GSTCD: variants seen among roughly 807,000 people sequenced by gnomAD.
The protein encoded by GSTCD is glutathione S-transferase C-terminal domain containing, also known as glutathione S-transferase C-terminal domain-containing protein.
GSTCD carries 44 observed loss-of-function variants against 68.3 expected under a neutral mutation model. The observed-to-expected ratio is 0.64, with a 90% CI of 0.51 to 0.83. The LOEUF is 0.83. Among genes scored for constraint, GSTCD ranks in the 40% least tolerant of loss-of-function variants. The pLI, the probability that GSTCD is intolerant of heterozygous loss-of-function variation, is 0.00. For synonymous variants in GSTCD, 273 were observed against 255.2 expected (o/e 1.07, Z -0.67); for missense variants, 739 against 735.9 (o/e 1.00, Z -0.05).
chr4:105,771,129 T>C (rs957022639), intron 5 of GSTCD, among the ~76,000 whole-genome samples: 1 of 152,188 alleles, frequency 6.6e-6, no homozygotes, highest in Non-Finnish European at 1.5e-5. Flanking sequence ...ACAGTGATGA[T>C]GAGTTTTTTT....
At chr4:105,781,055 A>T (rs944822852) in intron 5 of GSTCD, among the ~76,000 whole-genome samples, 2 of 152,192 alleles carry the variant, frequency 1.3e-5, no homozygotes, top group Admixed American at 6.5e-5. Flanking sequence ...GAGAATCATA[A>T]TATTTACCTC....
chr4:105,725,692 G>A lies in GSTCD; in HGVS notation c.895-887G>A, dbSNP rs1437667126. 4.0e-5 allele frequency among the ~76,000 whole-genome samples: 6 copies of A among 151,846 alleles called. No individual in the cohort carries two copies. The East Asian group carries it at 1.2e-3, about 29-fold the overall frequency. ...TTGTTCATTTTCTCGTTGCTGAGTT[G>A]CTCCAATTTTTATGCTATGAAATGA... On this transcript the variant is annotated intron_variant, in intron 3 of 11. Transcript: ENST00000515279.
intron 5 of GSTCD, among the ~76,000 whole-genome samples, chr4:105,737,614 T>A (rs1279684614): frequency 1.3e-5 from 2 of 152,222 alleles, no homozygotes; most frequent in Non-Finnish European, 2.9e-5. Context: ...TAGTTTTGGG[T>A]CTTACATTTA....
At chr4:105,791,869 A>G (rs1373254687) in intron 5 of GSTCD, among the ~76,000 whole-genome samples, 1 of 152,158 alleles carries the variant, frequency 6.6e-6, no homozygotes, top group Non-Finnish European at 1.5e-5. Flanking sequence ...TCGTAGCACT[A>G]CTAGACCAAA....
chr4:105,720,766 C>T (rs4699197), intron 3 of GSTCD, among the ~76,000 whole-genome samples: 19,199 of 152,046 alleles, frequency 0.13, 1,709 homozygotes, highest in African/African-American at 0.25. Flanking sequence ...TACCAAGTTC[C>T]GTCATTAGAG....
chr4:105,845,773 T>G lies in GSTCD; in HGVS notation c.*196T>G. 2 of 564,256 alleles carry G rather than the reference T, an allele frequency of 3.5e-6. No individual in the cohort carries two copies. Among genetic ancestry groups the G allele is most frequent in the Non-Finnish European group, 3.1e-6 (1 of 318,678 alleles). The allele number at this position is 564,256 out of a possible 1,614,324, so 35.0% of individuals were successfully genotyped here. A position where few individuals can be genotyped will look rare whatever the true frequency, so the allele number is the denominator to read the frequency against. Reference sequence around the variant, plus strand: ...TCACAAATGCTTTACAATGTGTGATTAAAGGACTGCTGGTTTTTATAGTGA... The same window carrying G: ...TCACAAATGCTTTACAATGTGTGATGAAAGGACTGCTGGTTTTTATAGTGA... On this transcript the variant is annotated 3_prime_UTR_variant, in exon 12 of 12. Transcript: ENST00000515279.
intron 5 of GSTCD, among the ~76,000 whole-genome samples, chr4:105,780,601 A>G (rs1028850170): frequency 2.0e-5 from 3 of 152,208 alleles, no homozygotes; most frequent in Non-Finnish European, 4.4e-5. Context: ...TAAAGGGGAA[A>G]ATGTTGTGCT....
chr4:105,824,121 G>C (rs1723464078), intron 7 of GSTCD, among the ~76,000 whole-genome samples: 1 of 151,988 alleles, frequency 6.6e-6, no homozygotes, highest in Non-Finnish European at 1.5e-5. Flanking sequence ...ACTAGTTATA[G>C]TGAATACTTG....
intron 7 of GSTCD, among the ~76,000 whole-genome samples, chr4:105,824,060 C>G (rs889440028): frequency 2.0e-5 from 3 of 151,928 alleles, no homozygotes; most frequent in Non-Finnish European, 4.4e-5. Flanking sequence ...GTTTTTAATA[C>G]AAACTCAACT....
chr4:105,794,463 G>C (rs1006533982), intron 5 of GSTCD, among the ~76,000 whole-genome samples: 1 of 151,972 alleles, frequency 6.6e-6, no homozygotes, highest in Non-Finnish European at 1.5e-5. Context: ...GTACCACTGT[G>C]GTTCATGATG....
intron 5 of GSTCD, among the ~76,000 whole-genome samples, chr4:105,793,528 A>G (rs193137173): frequency 1.3e-5 from 2 of 151,944 alleles, no homozygotes; most frequent in Admixed American, 6.5e-5. Context: ...AAAAATGCCT[A>G]TTTTGGTGTT....
chr4:105,759,947 T>A (rs1734338203), intron 5 of GSTCD, among the ~76,000 whole-genome samples: 1 of 152,158 alleles, frequency 6.6e-6, no homozygotes, highest in Non-Finnish European at 1.5e-5. Flanking sequence ...CTTATATAAT[T>A]GTGACCTAAA....
chr4:105,794,426 A>G lies in GSTCD; in HGVS notation c.1241-28528A>G, dbSNP rs536137091. 4.6e-5 allele frequency among the ~76,000 whole-genome samples: 7 copies of G among 152,182 alleles called. No individual in the cohort carries two copies. The South Asian group carries it at 1.2e-3, about 27-fold the overall frequency. On this transcript the variant is annotated intron_variant, in intron 5 of 11. Transcript: ENST00000515279. ...TCTGGACTTTGAGTTATGATGTGTC[A>G]ATGTAGGTTCATCACTATTAACAAA...
chr4:105,730,660 A>G (rs1158648475), intron 5 of GSTCD, among the ~76,000 whole-genome samples: 1 of 152,160 alleles, frequency 6.6e-6, no homozygotes, highest in Non-Finnish European at 1.5e-5. Context: ...TCAGATGAGT[A>G]GATGGCAAAA....
At chr4:105,755,056 CAAAAAAAAAAAAAAAAAAAAAAAAAAAAA>C (rs70941214) in intron 5 of GSTCD, among the ~76,000 whole-genome samples, 14 of 50,986 alleles carry the variant, frequency 2.7e-4, no homozygotes, top group Admixed American at 8.4e-4. Context: ...CTCATTTCTC[CAAAAAAAAAAAAAAAAAAAAAAAAAAAAA>C]AAAAAAAAAA....
intron 8 of GSTCD, among the ~76,000 whole-genome samples, chr4:105,833,240 G>A (rs565764760): frequency 6.6e-6 from 1 of 152,220 alleles, no homozygotes; most frequent in Admixed American, 6.5e-5. Context: ...CGAGGTGGGC[G>A]GATCACCTGC....
chr4:105,842,091 A>C lies in GSTCD; in HGVS notation c.1722A>C (p.Ala574=), dbSNP rs1394735828. 2 of 1,613,926 alleles carry C rather than the reference A, an allele frequency of 1.2e-6. No homozygotes were observed. The highest frequency in any genetic ancestry group is 1.7e-6 in the Non-Finnish European group (2 of 1,179,898). ...AACACATGATTCTGTGCAGATTTGC[A>C]GACCAGACAGCTGTCCAGCTCCCAC... ...YKEHMILCRF[A]DQTAVQLPPQ... Residue 574 remains alanine (A), a synonymous_variant, in exon 11 of 12, where the codon GCA becomes GCC. Coordinates refer to ENST00000515279, the MANE Select transcript of GSTCD (RefSeq NM_001370181.1).
At chr4:105,724,814 ATTCT>A (rs1203552624) in intron 3 of GSTCD, among the ~76,000 whole-genome samples, 31 of 151,996 alleles carry the variant, frequency 2.0e-4, no homozygotes, top group Admixed American at 1.9e-3. Context: ...ACTTATTTTA[ATTCT>A]TTCCCCATTA....
Position 105,729,491 on chromosome 4 carries a change from C to T in GSTCD, c.1232C>T (p.Pro411Leu). The T allele has an allele frequency of 6.2e-7, 1 of 1,608,750 alleles. No homozygotes were observed. ...DWNVLPAAVS[P>L]KEGKMSSDRA... is the part of the protein sequence containing the mutation. ...AATGTTCTCCCTGCAGCAGTCAGCC[C>T]AAAGGAAGGTGAGTTTTCTTTTTTC... Residue 411 changes from proline (P) to leucine (L), a missense_variant, in exon 5 of 12, where the codon CCA becomes CTA. By Grantham distance (98) the Pro-to-Leu change is moderately conservative. Coordinates refer to ENST00000515279, the MANE Select transcript of GSTCD (RefSeq NM_001370181.1).
Sources: allele counts gnomAD v4.1 joint callset (sites outside exome capture counted in the v4.1 genomes callset), GRCh38; gene constraint gnomAD v4.1.1; transcripts MANE v1.5; gene names NCBI Gene and HGNC (gene_info 2026-07-23, HGNC 2026-07-21).